RAPGEF5: variants seen among roughly 807,000 people sequenced by gnomAD.
The protein encoded by RAPGEF5 is Rap guanine nucleotide exchange factor 5.
In RAPGEF5, 65 loss-of-function variants were observed where a neutral mutation model predicts 125.2. That is an observed-to-expected ratio of 0.52 (90% confidence interval 0.43 to 0.64). RAPGEF5 has a LOEUF of 0.64. Among genes scored for constraint, RAPGEF5 ranks in the 30% least tolerant of loss-of-function variants. The pLI is 0.00. For synonymous variants in RAPGEF5, 391 were observed against 385.9 expected (o/e 1.01, Z -0.16); for missense variants, 958 against 1,048.1 (o/e 0.91, Z 1.19).
intron 1 of RAPGEF5, among the ~76,000 whole-genome samples, chr7:22,335,881 T>A (rs923560718): frequency 3.3e-5 from 5 of 152,176 alleles, no homozygotes; most frequent in African/African-American, 9.7e-5. Flanking sequence ...ATTTCTTAAA[T>A]AAGAATATTG....
At chr7:22,250,085 C>G (rs1376047016) in intron 7 of RAPGEF5, among the ~76,000 whole-genome samples, 1 of 152,150 alleles carries the variant, frequency 6.6e-6, no homozygotes, top group Non-Finnish European at 1.5e-5. Context: ...TTCCTTATCT[C>G]CAAACAAAAA....
intron 6 of RAPGEF5, among the ~76,000 whole-genome samples, chr7:22,282,634 C>T (rs1002792394): frequency 6.6e-6 from 1 of 152,184 alleles, no homozygotes; most frequent in Admixed American, 6.5e-5. Flanking sequence ...TGGTAATACA[C>T]CCTGTCATGT....
intron 23 of RAPGEF5, 30 bp from the exon 24 acceptor site, chr7:22,131,131 A>G (rs1246313106): frequency 5.9e-6 from 9 of 1,513,754 alleles, no homozygotes; most frequent in African/African-American, 1.4e-5. Context: ...AGATGTATGT[A>G]TCATTAGGAA....
intron 12 of RAPGEF5, among the ~76,000 whole-genome samples, chr7:22,166,096 T>TTATATATATATTATATA (rs1275701504): frequency 6.8e-6 from 1 of 146,810 alleles, no homozygotes; most frequent in Non-Finnish European, 1.5e-5. Context: ...TATATATATA[T>TTATATATATATTATATA]CATATATATA....
At position 22,121,018 on chromosome 7, in the gene RAPGEF5, T is replaced by A. The variant is rs942508039; in HGVS notation, c.*1388A>T. 5 of 152,158 alleles carry A rather than the reference T, an allele frequency of 3.3e-5. No homozygotes were observed. Among genetic ancestry groups the A allele is most frequent in the Admixed American group, 2.6e-4 (4 of 15,268 alleles). 9.4% of individuals were successfully genotyped at this position (152,158 alleles called of 1,614,324 possible). A position where few individuals can be genotyped will look rare whatever the true frequency, so the allele number is the denominator to read the frequency against. On this transcript the variant is annotated 3_prime_UTR_variant, in exon 26 of 26. Transcript: ENST00000665637. ...AAGACTCCTGCATTTGGAAAATGAA[T>A]GGACCAGGCCCTTGCATTTTAGCAA...
intron 1 of RAPGEF5, among the ~76,000 whole-genome samples, chr7:22,343,555 C>A (rs1398499105): frequency 6.6e-6 from 1 of 152,114 alleles, no homozygotes; most frequent in Non-Finnish European, 1.5e-5. Context: ...ATAGTTTCAA[C>A]CTAGCATGAC....
intron 5 of RAPGEF5, 79 bp downstream of exon 5, chr7:22,308,260 A>G (rs1274981954): frequency 3.0e-6 from 4 of 1,317,120 alleles, no homozygotes; most frequent in Non-Finnish European, 4.0e-6. Context: ...GTGATCTTAA[A>G]GAGCAGAATA....
intron 18 of RAPGEF5, among the ~76,000 whole-genome samples, chr7:22,147,770 A>T (rs1783491244): frequency 6.6e-6 from 1 of 152,202 alleles, no homozygotes; most frequent in African/African-American, 2.4e-5. Context: ...ATGTTTTCTA[A>T]TGAAAATATA....
Position 22,119,007 on chromosome 7 carries a change from G to A in RAPGEF5, c.*3399C>T, listed in dbSNP as rs1782492705. 6.7e-6 allele frequency: 1 copy of A among 149,100 alleles called. No individual in the cohort carries two copies. The allele number at this position is 149,100 out of a possible 1,614,324, so 9.2% of individuals were successfully genotyped here. A position where few individuals can be genotyped will look rare whatever the true frequency, so the allele number is the denominator to read the frequency against. On this transcript the variant is annotated 3_prime_UTR_variant, in exon 26 of 26. Coordinates refer to ENST00000665637, the MANE Select transcript of RAPGEF5 (RefSeq NM_012294.5). This position sits in a 1 kb window ranked among gnomAD's most constrained non-coding sequence, Gnocchi z 4.1. ...AAAAGAAATCCTGTGTTGGACCACT[G>A]CGGAAGACCCGATCGTCCCCATTTT...
chr7:22,199,534 A>G (rs1785229156), intron 9 of RAPGEF5, among the ~76,000 whole-genome samples: 1 of 32,412 alleles, frequency 3.1e-5, no homozygotes, highest in South Asian at 1.3e-3. Context: ...TAAAATTGAA[A>G]AAAAAAAAAA....
chr7:22,184,585 T>G lies in RAPGEF5; in HGVS notation c.1204+8782A>C, dbSNP rs951405310. 5.3e-5 allele frequency among the ~76,000 whole-genome samples: 8 copies of G among 152,222 alleles called. No homozygotes were observed. In the South Asian group the frequency reaches 1.2e-3, roughly 24 times the overall value. ...CTCCTATTAAACATATCCCTATCCA[T>G]TAAATATCTTCCTTTGCCCATTGGT... On this transcript the variant is annotated intron_variant, in intron 11 of 25. Transcript: ENST00000665637.
chr7:22,128,227 A>G (rs1782809279), intron 24 of RAPGEF5, among the ~76,000 whole-genome samples: 2 of 152,136 alleles, frequency 1.3e-5, no homozygotes, highest in Admixed American at 6.5e-5. Flanking sequence ...TCGAGGGATA[A>G]AGAGAAGAAA....
intron 11 of RAPGEF5, among the ~76,000 whole-genome samples, chr7:22,189,266 C>T (rs867802690): frequency 2.0e-5 from 3 of 151,886 alleles, no homozygotes; most frequent in Non-Finnish European, 2.9e-5. Context: ...GTAGACCTGT[C>T]GTAACACAGA....
intron 9 of RAPGEF5, among the ~76,000 whole-genome samples, chr7:22,212,553 T>C (rs1356657087): frequency 6.8e-6 from 1 of 146,618 alleles, no homozygotes; most frequent in Non-Finnish European, 1.5e-5. Flanking sequence ...TTGCTGCCTA[T>C]GTCTCTTTAC....
intron 13 of RAPGEF5, among the ~76,000 whole-genome samples, chr7:22,161,594 T>C (rs1784003178): frequency 7.6e-6 from 1 of 132,352 alleles, no homozygotes; most frequent in Non-Finnish European, 1.6e-5. Flanking sequence ...TTCCACATAA[T>C]CATTTGGGAG....
chr7:22,250,931 G>C (rs374679409), intron 7 of RAPGEF5, among the ~76,000 whole-genome samples: 13 of 152,112 alleles, frequency 8.5e-5, no homozygotes, highest in African/African-American at 2.4e-4. Context: ...ATTAATCAGG[G>C]GGAACACACC....
At chr7:22,159,104 C>A (rs1783902742) in intron 14 of RAPGEF5, among the ~76,000 whole-genome samples, 1 of 152,158 alleles carries the variant, frequency 6.6e-6, no homozygotes. Context: ...CCTCATAGCA[C>A]AGAGCAATTT....
chr7:22,166,534 A>G (rs1011438436), intron 12 of RAPGEF5, among the ~76,000 whole-genome samples: 2 of 152,210 alleles, frequency 1.3e-5, no homozygotes, highest in Admixed American at 1.3e-4. Flanking sequence ...AATCACATCC[A>G]TCATTCTCAG....
At chr7:22,283,192 T>C (rs969361523) in intron 6 of RAPGEF5, among the ~76,000 whole-genome samples, 5 of 152,126 alleles carry the variant, frequency 3.3e-5, no homozygotes, top group African/African-American at 1.2e-4. Context: ...ATAATACAAA[T>C]GTCAACTAAA....
Sources: gnomAD v4.1 joint callset for allele counts (sites outside exome capture counted in the v4.1 genomes callset) on GRCh38, gnomAD v4.1.1 for gene constraint, Gnocchi (gnomAD v3.1) non-coding constraint, MANE v1.5 for transcripts, NCBI Gene and HGNC (gene_info 2026-07-23, HGNC 2026-07-21) for gene names.